AFF2: variants seen among roughly 807,000 people sequenced by gnomAD.
AFF2 encodes the protein ALF transcription elongation factor 2.
In AFF2, 14 loss-of-function variants were observed where a neutral mutation model predicts 76.9. The observed-to-expected ratio is 0.18, with a 90% CI of 0.12 to 0.28. AFF2 has a LOEUF of 0.28. AFF2 is among the 10% of genes least tolerant of loss of function. The pLI, the probability that AFF2 is intolerant of heterozygous loss-of-function variation, is 1.00. For missense variants in AFF2, 868 were observed against 1,001.1 expected (o/e 0.87, Z 1.79); for synonymous variants, 398 against 366.7 (o/e 1.09, Z -0.98).
chrX:148,920,881 G>A (rs1208209858), intron 9 of AFF2, among the ~76,000 whole-genome samples: 2 of 110,672 alleles, frequency 1.8e-5, no homozygotes, highest in African/African-American at 3.3e-5. Context: ...TGGTGATTTC[G>A]ACGCATCAGT....
intron 1 of AFF2, among the ~76,000 whole-genome samples, chrX:148,578,878 T>G (rs1044733999): frequency 1.1e-4 from 12 of 111,743 alleles, no homozygotes; most frequent in African/African-American, 3.2e-4. Context: ...AGGCAAATGT[T>G]TTAGAAAGGC....
rs956073109 is a variant in AFF2, at chrX:148,757,604, T to C, written c.1042-52272T>C. On this transcript the variant is annotated intron_variant, in intron 3 of 20. Coordinates refer to ENST00000370460, the MANE Select transcript of AFF2 (RefSeq NM_002025.4). Reference sequence around the variant, plus strand: ...CATAAAAAATAACCTAGATTAGATCTTTAAAAAGTGTTTTGGATCAGCAAG... The same window carrying C: ...CATAAAAAATAACCTAGATTAGATCCTTAAAAAGTGTTTTGGATCAGCAAG... Among the ~76,000 whole-genome samples the C allele has an allele frequency of 7.2e-5, 8 of 111,553 alleles. No individual in the cohort carries two copies. The Admixed American group carries it at 7.6e-4, about 11-fold the overall frequency.
chrX:148,547,104 T>C (rs1440760421), intron 1 of AFF2: 1 of 111,624 alleles, frequency 9.0e-6, no homozygotes, highest in African/African-American at 3.3e-5. Context: ...ACAGAGAACA[T>C]GACGGGAATT....
At chrX:148,799,044 A>C (rs1320917033) in intron 3 of AFF2, among the ~76,000 whole-genome samples, 1 of 111,978 alleles carries the variant, frequency 8.9e-6, no homozygotes, top group Non-Finnish European at 1.9e-5. Context: ...GATACTAAGT[A>C]AGGCCCAGGG....
chrX:148,730,080 C>T (rs2055203325), intron 3 of AFF2, among the ~76,000 whole-genome samples: 1 of 112,130 alleles, frequency 8.9e-6, no homozygotes, highest in Admixed American at 9.4e-5. Context: ...GAAAAGTCAA[C>T]ACACCCAAAT....
chrX:148,522,505 C>T (rs1557234657), intron 1 of AFF2, among the ~76,000 whole-genome samples: 1 of 112,497 alleles, frequency 8.9e-6, no homozygotes, highest in Non-Finnish European at 1.9e-5. Flanking sequence ...AAACTTCAGT[C>T]CCTTCCTGCT....
At chrX:148,636,357 G>C (rs1557253817) in intron 1 of AFF2, among the ~76,000 whole-genome samples, 1 of 112,211 alleles carries the variant, frequency 8.9e-6, no homozygotes, top group African/African-American at 3.2e-5. Flanking sequence ...TCAGCATTCA[G>C]TTCTTGTTGA....
chrX:148,895,761 G>A (rs1306326362), intron 8 of AFF2, among the ~76,000 whole-genome samples: 2 of 111,204 alleles, frequency 1.8e-5, no homozygotes, highest in African/African-American at 6.5e-5. Context: ...GTAGTGCAGT[G>A]GTACTTGTGA....
At position 148,956,152 on chromosome X, in the gene AFF2, A is replaced by G; in HGVS notation, c.2107A>G (p.Ile703Val). ...GAAGAAGTACAGAGGGCCTGGCAAG[A>G]TTGTGCCAAAGTCTCGGGAATTCAT... ...EKKKYRGPGK[I>V]VPKSREFIET... The change falls in exon 11 of 21, where the codon ATT becomes GTT. Residue 703 changes from isoleucine to valine, a missense_variant. Transcript: ENST00000370460. 1 of 1,210,854 alleles carries G rather than the reference A, an allele frequency of 8.3e-7. No homozygotes were observed. The highest frequency in any genetic ancestry group is 1.1e-6 in the Non-Finnish European group (1 of 895,260).
At chrX:148,842,153 T>C (rs2070607979) in intron 5 of AFF2, among the ~76,000 whole-genome samples, 1 of 112,213 alleles carries the variant, frequency 8.9e-6, no homozygotes, top group Non-Finnish European at 1.9e-5. Flanking sequence ...CTGGAATGCC[T>C]GTATTGCGGT....
intron 3 of AFF2, among the ~76,000 whole-genome samples, chrX:148,776,175 C>A (rs2069664697): frequency 9.0e-6 from 1 of 111,678 alleles, no homozygotes; most frequent in African/African-American, 3.3e-5. Flanking sequence ...CATGTCCCTG[C>A]AAAGGACATG....
intron 7 of AFF2, among the ~76,000 whole-genome samples, chrX:148,858,160 A>G (rs782514427): frequency 3.6e-5 from 4 of 111,650 alleles, no homozygotes; most frequent in South Asian, 3.7e-4. Context: ...TTCTCCTTTT[A>G]AAAGGAAAGC....
intron 1 of AFF2, among the ~76,000 whole-genome samples, chrX:148,514,307 C>A (rs1557233506): frequency 8.9e-6 from 1 of 112,547 alleles, no homozygotes; most frequent in African/African-American, 3.2e-5. Context: ...TTTGTCTTTC[C>A]TTTTCTTTCC....
chrX:148,733,457 A>G (rs2081706751), intron 3 of AFF2, among the ~76,000 whole-genome samples: 1 of 110,201 alleles, frequency 9.1e-6, no homozygotes, highest in African/African-American at 3.3e-5. Context: ...ATTGGAATGA[A>G]CCCTTTTTCT....
At chrX:148,794,094 T>G (rs1480669510) in intron 3 of AFF2, among the ~76,000 whole-genome samples, 1 of 112,319 alleles carries the variant, frequency 8.9e-6, no homozygotes, top group Non-Finnish European at 1.9e-5. Flanking sequence ...AGTAACTGTC[T>G]GCCAGAGGCA....
At chrX:148,985,833 T>A (rs2072464301) in intron 19 of AFF2, among the ~76,000 whole-genome samples, 1 of 111,103 alleles carries the variant, frequency 9.0e-6, no homozygotes, top group African/African-American at 3.3e-5. Context: ...GAGGATGAAC[T>A]TGCTCCCTCA....
In AFF2 at chrX:148,500,984, G is replaced by A; in HGVS notation, c.-114G>A. On this transcript the variant is annotated 5_prime_UTR_variant, in exon 1 of 21. Coordinates refer to ENST00000370460, the MANE Select transcript of AFF2 (RefSeq NM_002025.4). ...GCGGCCCGGACACTTTTAGCTGGGCGGGAGGGCTGGAGAGCCGGGGGCCGC... is the reference window on the plus strand; with the variant it reads ...GCGGCCCGGACACTTTTAGCTGGGCAGGAGGGCTGGAGAGCCGGGGGCCGC... 1.1e-6 allele frequency: 1 copy of A among 928,826 alleles called. No homozygotes were observed. Among genetic ancestry groups the A allele is most frequent in the Non-Finnish European group, 1.4e-6 (1 of 689,847 alleles). The allele number at this position is 928,826 out of a possible 1,213,427, so 76.5% of individuals were successfully genotyped here.
intron 1 of AFF2, among the ~76,000 whole-genome samples, chrX:148,568,219 C>G: frequency 9.0e-6 from 1 of 111,660 alleles, no homozygotes; most frequent in African/African-American, 3.3e-5. Flanking sequence ...TGCTCTTTAC[C>G]ACTGAGCAAT....
chrX:148,512,068 G>A (rs2052488307), intron 1 of AFF2, among the ~76,000 whole-genome samples: 1 of 111,519 alleles, frequency 9.0e-6, no homozygotes, highest in African/African-American at 3.3e-5. Flanking sequence ...AGGACAGACT[G>A]TAGATAATTA....
Sources: allele counts gnomAD v4.1 joint callset (sites outside exome capture counted in the v4.1 genomes callset), GRCh38; gene constraint gnomAD v4.1.1; transcripts MANE v1.5; gene names NCBI Gene and HGNC (gene_info 2026-07-23, HGNC 2026-07-21).